Variants in SGCZ observed in about 807,000 individuals in gnomAD.
SGCZ encodes the protein zeta-sarcoglycan.
Under a neutral mutation model 41.3 loss-of-function variants are expected in SGCZ, and 40 were observed. That is an observed-to-expected ratio of 0.97 (90% CI 0.75 to 1.26). SGCZ has a LOEUF of 1.26. SGCZ is among the 50% of genes most tolerant of loss of function. SGCZ has a pLI of 0.00. For missense variants in SGCZ, 552 were observed against 369.8 expected (o/e 1.49, Z -4.04); for synonymous variants, 206 against 137.5 (o/e 1.50, Z -3.49).
At chr8:14,821,025 G>C (rs1203847865) in intron 1 of SGCZ, among the ~76,000 whole-genome samples, 1 of 150,766 alleles carries the variant, frequency 6.6e-6, no homozygotes, top group East Asian at 1.9e-4. Context: ...AAAATGAAAA[G>C]ATCAACAAAA....
chr8:14,794,337 G>T (rs1279804607), intron 1 of SGCZ, among the ~76,000 whole-genome samples: 1 of 151,904 alleles, frequency 6.6e-6, no homozygotes, highest in Non-Finnish European at 1.5e-5. Flanking sequence ...AATATCAAGA[G>T]AAAAAGAGAG....
chr8:14,837,371 G>A (rs945269570), intron 1 of SGCZ, among the ~76,000 whole-genome samples: 1 of 152,210 alleles, frequency 6.6e-6, no homozygotes, highest in Non-Finnish European at 1.5e-5. Context: ...AACATTCTTA[G>A]TGTTTCCAAG....
At chr8:15,121,410 G>A (rs1165716511) in intron 1 of SGCZ, among the ~76,000 whole-genome samples, 1 of 152,084 alleles carries the variant, frequency 6.6e-6, no homozygotes, top group Non-Finnish European at 1.5e-5. Flanking sequence ...AACATCAAAG[G>A]CTACAAAATG....
At chr8:15,196,105 G>C (rs1800722226) in intron 1 of SGCZ, among the ~76,000 whole-genome samples, 1 of 134,962 alleles carries the variant, frequency 7.4e-6, no homozygotes, top group Admixed American at 7.3e-5. Flanking sequence ...CACCTTGTTA[G>C]CCAGGATGGT....
intron 2 of SGCZ, among the ~76,000 whole-genome samples, chr8:14,445,636 A>C (rs1800409363): frequency 6.6e-6 from 1 of 152,122 alleles, no homozygotes; most frequent in South Asian, 2.1e-4. Context: ...ATGCCACCTC[A>C]TTATCCTTGG....
chr8:14,175,206 G>C (rs1367579839), intron 4 of SGCZ, among the ~76,000 whole-genome samples: 2 of 152,016 alleles, frequency 1.3e-5, no homozygotes, highest in Non-Finnish European at 1.5e-5. Context: ...TATCATCCAA[G>C]GTTGAATGGC....
At chr8:14,226,982 C>A (rs564569080) in intron 4 of SGCZ, among the ~76,000 whole-genome samples, 210 of 152,126 alleles carry the variant, frequency 1.4e-3, no homozygotes, top group African/African-American at 4.7e-3. Flanking sequence ...GCTTTCTTCC[C>A]CAGATACATT....
intron 1 of SGCZ, among the ~76,000 whole-genome samples, chr8:15,170,071 C>T (rs13250033): frequency 2.6e-5 from 4 of 152,132 alleles, no homozygotes; most frequent in Admixed American, 6.5e-5. Context: ...ATTCAAAGAA[C>T]GTTTTAAATG....
chr8:15,192,477 T>C (rs1800574307), intron 1 of SGCZ, among the ~76,000 whole-genome samples: 1 of 152,134 alleles, frequency 6.6e-6, no homozygotes, highest in Non-Finnish European at 1.5e-5. Context: ...CATTTAAATA[T>C]TTTCTAGTCA....
rs985115512 is a variant in SGCZ, at chr8:14,950,144, T to G, written c.39+287441A>C. Among the ~76,000 whole-genome samples the G allele has an allele frequency of 2.6e-5, 4 of 152,086 alleles. No individual in the cohort carries two copies. In the East Asian group the frequency reaches 7.7e-4, roughly 29 times the overall value. ...TCTCCAGGGGTAGTGTATTTTCTTTTGCAATATGAATTCCATCTTCTGGAA... is the reference window on the plus strand; with the variant it reads ...TCTCCAGGGGTAGTGTATTTTCTTTGGCAATATGAATTCCATCTTCTGGAA... On this transcript the variant is annotated intron_variant, in intron 1 of 7. Transcript: ENST00000382080.
At chr8:14,113,717 T>G (rs1373442105) in intron 5 of SGCZ, among the ~76,000 whole-genome samples, 1 of 152,084 alleles carries the variant, frequency 6.6e-6, no homozygotes, top group African/African-American at 2.4e-5. Context: ...TCCATACTGG[T>G]GCCAAATGAT....
chr8:14,100,288 ACCATGAAT>A lies in SGCZ; in HGVS notation c.744+2080_744+2087del, dbSNP rs896678624. Among the ~76,000 whole-genome samples, 330 of 151,694 alleles carry A rather than the reference ACCATGAAT, an allele frequency of 2.2e-3. 1 individual carries two copies. Among genetic ancestry groups the A allele is most frequent in the African/African-American group, 7.7e-3 (319 of 41,494 alleles). ...AATTGAATCAAAGGACTCTGCTGAT[ACCATGAAT>A]AAATGAATAAAAGAACATATGTAAA... On this transcript the variant is annotated intron_variant, in intron 7 of 7. Transcript: ENST00000382080.
chr8:14,191,083 T>G (rs899078752), intron 4 of SGCZ, among the ~76,000 whole-genome samples: 4 of 152,214 alleles, frequency 2.6e-5, no homozygotes, highest in Non-Finnish European at 5.9e-5. Context: ...TGATTTGCAT[T>G]TCTCTCTTTA....
At chr8:15,200,594 T>C (rs959358) in intron 1 of SGCZ, among the ~76,000 whole-genome samples, 72,717 of 152,000 alleles carry the variant, frequency 0.48, 18,480 homozygotes, top group Non-Finnish European at 0.56. Flanking sequence ...TTCCTGTTGT[T>C]TCTTCCATCT....
rs1379550906 is a variant in SGCZ, at chr8:14,117,334, T to C, written c.548-9099A>G. Among the ~76,000 whole-genome samples, 4 of 143,790 alleles carry C rather than the reference T, an allele frequency of 2.8e-5. No homozygotes were observed. The Admixed American group carries it at 2.9e-4, about 11-fold the overall frequency. The allele number at this position is 143,790 out of a possible 152,430, so 94.3% of individuals were successfully genotyped here. ...TCACCATGAACAGGGTAAACAGATA[T>C]TCAATATTTTCAATAGGTAGTGTTT... is the stretch of plus-strand genomic sequence containing the variant. On this transcript the variant is annotated intron_variant, in intron 5 of 7. Coordinates refer to ENST00000382080, the MANE Select transcript of SGCZ (RefSeq NM_139167.4).
intron 2 of SGCZ, among the ~76,000 whole-genome samples, chr8:14,514,567 C>T (rs1206712780): frequency 2.0e-5 from 3 of 150,274 alleles, no homozygotes; most frequent in Non-Finnish European, 4.4e-5. Flanking sequence ...TCTCATGTTC[C>T]CTCTCATACA....
rs191073651 is a variant in SGCZ at position 14,817,238 on chromosome 8, C to T, written c.40-262312G>A. 4.1e-3 allele frequency among the ~76,000 whole-genome samples: 619 copies of T among 152,214 alleles called. 5 individuals carry two copies. Among genetic ancestry groups the T allele is most frequent in the South Asian group, 0.015 (72 of 4,818 alleles). On this transcript the variant is annotated intron_variant, in intron 1 of 7. Coordinates refer to ENST00000382080, the MANE Select transcript of SGCZ (RefSeq NM_139167.4). ...GAGGGGATGGAGGCACCTGCCTCTG[C>T]CACATAGTCTCACCTAACAGGATCA...
At chr8:14,298,687 A>G (rs78289993) in intron 3 of SGCZ, among the ~76,000 whole-genome samples, 3,749 of 152,138 alleles carry the variant, frequency 0.025, 56 homozygotes, top group Non-Finnish European at 0.038. Flanking sequence ...GAATTATTGA[A>G]GCCTAATTAC....
intron 3 of SGCZ, among the ~76,000 whole-genome samples, chr8:14,239,506 G>A (rs921111811): frequency 2.2e-4 from 34 of 152,096 alleles, no homozygotes; most frequent in African/African-American, 8.2e-4. Flanking sequence ...TAAAATATAT[G>A]ACACTATATG....
Sources: gnomAD v4.1 joint callset for allele counts (sites outside exome capture counted in the v4.1 genomes callset) on GRCh38, gnomAD v4.1.1 for gene constraint, MANE v1.5 for transcripts, NCBI Gene and HGNC (gene_info 2026-07-23, HGNC 2026-07-21) for gene names.